Variants in HDGFL3 observed in about 807,000 individuals in gnomAD.
HDGFL3 encodes hepatoma-derived growth factor-related protein 3.
HDGFL3 carries 6 observed loss-of-function variants against 27.6 expected under a neutral mutation model. The observed-to-expected ratio is 0.22, with a 90% CI of 0.12 to 0.43. The LOEUF (loss-of-function observed/expected upper bound fraction) is 0.43, where lower values mean the gene tolerates loss of function less well. Ranked by LOEUF, HDGFL3 falls within the 20% of genes least tolerant of loss-of-function variation. HDGFL3 has a pLI of 1.00. For synonymous variants in HDGFL3, 88 were observed against 88.9 expected, an observed-to-expected ratio of 0.99 and a Z score of 0.05; for missense variants, 207 against 250.1, an observed-to-expected ratio of 0.83 and a Z score of 1.16.
intron 2 of HDGFL3, 101 bp downstream of exon 2, chr15:83,163,895 GATT>G (rs755512855): frequency 1.3e-5 from 10 of 763,562 alleles, no homozygotes; most frequent in African/African-American, 3.7e-5. Context: ...TTATATAACT[GATT>G]ATAATGATTT....
intron 1 of HDGFL3, among the ~76,000 whole-genome samples, chr15:83,204,460 T>C (rs1021024244): frequency 6.6e-6 from 1 of 152,168 alleles, no homozygotes; most frequent in African/African-American, 2.4e-5. Context: ...GGAACTATTA[T>C]GTAGATAGAG....
At chr15:83,119,675 C>A (rs774115059) in intron 3 of HDGFL3, 1 of 1,614,148 alleles carries the variant, frequency 6.2e-7, no homozygotes, top group Non-Finnish European at 8.5e-7. Context: ...GCAGCCATAG[C>A]ATGGGAGTAA....
chr15:83,190,476 G>A (rs1359116942), intron 1 of HDGFL3, among the ~76,000 whole-genome samples: 1 of 152,094 alleles, frequency 6.6e-6, no homozygotes, highest in African/African-American at 2.4e-5. Flanking sequence ...ATATGATACT[G>A]GCAAACCTTT....
chr15:83,136,974 T>C lies in HDGFL3; in HGVS notation c.*2296A>G. 4.8e-6 allele frequency: 1 copy of C among 207,422 alleles called. No individual in the cohort carries two copies. The highest frequency in any genetic ancestry group is 9.7e-6 in the Non-Finnish European group (1 of 102,702). 12.8% of individuals were successfully genotyped at this position (207,422 alleles called of 1,614,324 possible). A position where few individuals can be genotyped will look rare whatever the true frequency, so the allele number is the denominator to read the frequency against. ...ATAAGTGTAAAAAATTACAATTTAG[T>C]GCCAACAGTAGTGAGCATGAAATGA... is the stretch of plus-strand genomic sequence containing the variant. On this transcript the variant is annotated 3_prime_UTR_variant, in exon 6 of 6. Coordinates refer to ENST00000299633, the MANE Select transcript of HDGFL3 (RefSeq NM_016073.4).
At chr15:83,115,859 G>C (rs1020445818) in intron 3 of HDGFL3, 6 of 1,613,790 alleles carry the variant, frequency 3.7e-6, no homozygotes, top group Non-Finnish European at 5.1e-6. Flanking sequence ...TGCAGTTTTT[G>C]GATTTACCAG....
chr15:83,163,730 C>T (rs2037128900), intron 2 of HDGFL3: 3 of 392,396 alleles, frequency 7.6e-6, no homozygotes, highest in Non-Finnish European at 1.4e-5. Context: ...CACTCTAGGA[C>T]TTAAAAGTGT....
chr15:83,121,615 A>T (rs188205554), intron 3 of HDGFL3, among the ~76,000 whole-genome samples: 2 of 152,250 alleles, frequency 1.3e-5, no homozygotes, highest in East Asian at 3.9e-4. Flanking sequence ...CATGCTGTTG[A>T]GTTTCACACA....
chr15:83,191,684 AT>A (rs2151420155), intron 1 of HDGFL3, among the ~76,000 whole-genome samples: 1 of 152,280 alleles, frequency 6.6e-6, no homozygotes, highest in Admixed American at 6.5e-5. Context: ...TTCTTTTATT[AT>A]ACTCTGGATA....
chr15:83,159,666 G>A (rs1037899298), intron 2 of HDGFL3, among the ~76,000 whole-genome samples: 16 of 152,232 alleles, frequency 1.1e-4, no homozygotes, highest in Non-Finnish European at 2.4e-4. Context: ...AACAAAGAAA[G>A]TGAAGGAATA....
intron 3 of HDGFL3, among the ~76,000 whole-genome samples, chr15:83,117,133 G>T (rs1240701223): frequency 6.6e-6 from 1 of 152,174 alleles, no homozygotes; most frequent in Non-Finnish European, 1.5e-5. Flanking sequence ...TTTTAAAAAT[G>T]GTCATGGCAG....
intron 5 of HDGFL3, among the ~76,000 whole-genome samples, chr15:83,140,880 C>T (rs1157824993): frequency 6.6e-6 from 1 of 152,036 alleles, no homozygotes; most frequent in African/African-American, 2.4e-5. Context: ...CTACTCAATC[C>T]ACATCAAAGA....
chr15:83,179,585 C>T (rs1469085494), intron 1 of HDGFL3, among the ~76,000 whole-genome samples: 3 of 152,204 alleles, frequency 2.0e-5, no homozygotes, highest in Non-Finnish European at 2.9e-5. Context: ...CCTCTTCTCT[C>T]GAAAGTGCTC....
At chr15:83,119,507 G>C in intron 3 of HDGFL3, 1 of 1,438,246 alleles carries the variant, frequency 7.0e-7, no homozygotes, top group Middle Eastern at 1.8e-4. Flanking sequence ...TATTTTACTT[G>C]CAATACAGGT....
At chr15:83,172,285 T>G (rs1239206987) in intron 1 of HDGFL3, among the ~76,000 whole-genome samples, 1 of 152,136 alleles carries the variant, frequency 6.6e-6, no homozygotes, top group Non-Finnish European at 1.5e-5. Context: ...AAGAATGCCC[T>G]CATAAGATGC....
At chr15:83,192,721 T>C (rs993184453) in intron 1 of HDGFL3, among the ~76,000 whole-genome samples, 1 of 152,272 alleles carries the variant, frequency 6.6e-6, no homozygotes, top group South Asian at 2.1e-4. Context: ...AAGTTTTGGG[T>C]TTTTTGAGTC....
intron 1 of HDGFL3, among the ~76,000 whole-genome samples, chr15:83,176,059 C>G (rs1596559564): frequency 6.6e-6 from 1 of 152,216 alleles, no homozygotes; most frequent in East Asian, 1.9e-4. Context: ...ATCTGATACA[C>G]TAGTCTTTTG....
At chr15:83,146,029 G>A (rs2036886701) in intron 5 of HDGFL3, among the ~76,000 whole-genome samples, 2 of 144,576 alleles carry the variant, frequency 1.4e-5, no homozygotes, top group South Asian at 4.6e-4. Flanking sequence ...TCATGCCTCA[G>A]CCTCCCGAGT....
At chr15:83,159,165 C>CTAA (rs1408704360) in intron 2 of HDGFL3, among the ~76,000 whole-genome samples, 2 of 152,056 alleles carry the variant, frequency 1.3e-5, no homozygotes, top group Non-Finnish European at 2.9e-5. Context: ...ATTAAAAAAT[C>CTAA]ATTTTAGTGT....
intron 1 of HDGFL3, among the ~76,000 whole-genome samples, chr15:83,202,234 T>TG (rs747915375): frequency 3.0e-4 from 46 of 152,306 alleles, no homozygotes; most frequent in Non-Finnish European, 5.9e-4. Flanking sequence ...ACTATACCCC[T>TG]GTGCCTTACA....
Sources: gnomAD v4.1 joint callset for allele counts (sites outside exome capture counted in the v4.1 genomes callset) on GRCh38, gnomAD v4.1.1 for gene constraint, MANE v1.5 for transcripts, NCBI Gene and HGNC (gene_info 2026-07-23, HGNC 2026-07-21) for gene names.